The following EPS8L3 variants were observed in gnomAD, a reference collection of about 807,000 sequenced individuals.
EPS8L3 encodes the protein epidermal growth factor receptor kinase substrate 8-like protein 3.
In EPS8L3, 80 loss-of-function variants were observed where a neutral mutation model predicts 88.5. The ratio of observed to expected loss-of-function variants is 0.90; its 90% CI spans 0.75 to 1.09. The LOEUF (loss-of-function observed/expected upper bound fraction) is 1.09, where lower values mean the gene tolerates loss of function less well. EPS8L3 is among the 50% of genes least tolerant of loss of function. The pLI, the probability that EPS8L3 is intolerant of heterozygous loss-of-function variation, is 0.00. For missense variants in EPS8L3, 721 were observed against 735.2 expected, an observed-to-expected ratio of 0.98 and a Z score of 0.22; for synonymous variants, 286 against 291.0, an observed-to-expected ratio of 0.98 and a Z score of 0.18.
chr1:109,757,122 A>G lies in EPS8L3; in HGVS notation c.1013T>C (p.Ile338Thr). 6.2e-7 allele frequency: 1 copy of G among 1,613,920 alleles called. No individual in the cohort carries two copies. The highest frequency in any genetic ancestry group is 8.5e-7 in the Non-Finnish European group (1 of 1,179,896). ...AGCTTTAGGGGTGAGGAGGGGTGAG[A>G]TCACTTGGGCTGCTAGGCCAGCCTC... ...CPEAGLAAQV[I>T]SPLLTPKAIN... is the part of the protein sequence containing the mutation. The change falls in exon 12 of 19, where the codon ATC becomes ACC. Residue 338 changes from isoleucine (I) to threonine (T), a missense_variant. Physicochemically the swap from Ile to Thr is moderately conservative, Grantham distance 89. Coordinates refer to ENST00000361965, the MANE Select transcript of EPS8L3 (RefSeq NM_133181.4).
chr1:109,750,500 T>C, intron 18 of EPS8L3, 98 bp from the exon 19 acceptor site: 2 of 1,585,294 alleles, frequency 1.3e-6, no homozygotes, highest in South Asian at 1.1e-5. Context: ...TAAGCCTGAA[T>C]GCATGAAGCT....
At chr1:109,757,390 C>T in intron 11 of EPS8L3, 91 bp downstream of exon 11, 1 of 1,330,174 alleles carries the variant, frequency 7.5e-7, no homozygotes. Flanking sequence ...GCCCCTGCTC[C>T]CCCATCCCCC....
intron 2 of EPS8L3, 58 bp from the exon 3 acceptor site, chr1:109,761,617 G>T: frequency 6.2e-7 from 1 of 1,605,738 alleles, no homozygotes; most frequent in Non-Finnish European, 8.5e-7. Flanking sequence ...TGAGACTCAG[G>T]CAACTGCTGG....
chr1:109,761,218 C>A (rs539295982), intron 3 of EPS8L3: 3 of 412,456 alleles, frequency 7.3e-6, no homozygotes, highest in South Asian at 4.2e-5. Context: ...CTTATCCCAT[C>A]CTGCTGCTAC....
At chr1:109,763,603 A>G (rs955410810) in intron 1 of EPS8L3, among the ~76,000 whole-genome samples, 2 of 152,124 alleles carry the variant, frequency 1.3e-5, no homozygotes, top group Non-Finnish European at 2.9e-5. Flanking sequence ...CCCTGGGGCA[A>G]GCATCCCAGA....
At chr1:109,756,940 C>T (rs1179357309) in intron 12 of EPS8L3, 77 bp downstream of exon 12, 2 of 1,581,710 alleles carry the variant, frequency 1.3e-6, no homozygotes, top group South Asian at 1.1e-5. Flanking sequence ...AACATAGAGC[C>T]TGGCCACCTC....
Position 109,761,690 on chromosome 1 carries a change from C to T in EPS8L3, c.31+29G>A, listed in dbSNP as rs762147186. On this transcript the variant is annotated intron_variant, in intron 2 of 18. Transcript: ENST00000361965. Reference sequence around the variant, plus strand: ...ACATTCTGGGGGCTCAGTGGGAGGGCACGGGAGAGGGGCCTGCCAGGAGCT... The same window carrying T: ...ACATTCTGGGGGCTCAGTGGGAGGGTACGGGAGAGGGGCCTGCCAGGAGCT... 1.1e-5 allele frequency: 18 copies of T among 1,613,376 alleles called. No homozygotes were observed. In the Admixed American group the frequency reaches 3.0e-4, roughly 27 times the overall value.
rs368569358 is a variant in EPS8L3, at chr1:109,750,235, C to T, written c.*156G>A. On this transcript the variant is annotated 3_prime_UTR_variant, in exon 19 of 19. Coordinates refer to ENST00000361965, the MANE Select transcript of EPS8L3 (RefSeq NM_133181.4). ...CCAGAAGGGACACTGTTTGCTTCAGCCTCTGGGCCTGTCCATTGTTTTTGC... is the reference window on the plus strand; with the variant it reads ...CCAGAAGGGACACTGTTTGCTTCAGTCTCTGGGCCTGTCCATTGTTTTTGC... 2.2e-4 allele frequency: 193 copies of T among 862,044 alleles called. 1 individual carries two copies. In the African/African-American group the frequency reaches 2.7e-3, roughly 12 times the overall value. 53.4% of individuals were successfully genotyped at this position (862,044 alleles called of 1,614,324 possible). A position where few individuals can be genotyped will look rare whatever the true frequency, so the allele number is the denominator to read the frequency against.
At position 109,757,967 on chromosome 1, in the gene EPS8L3, C is replaced by T. The variant is rs1400502690; in HGVS notation, c.809G>A (p.Gly270Glu). The change falls in exon 9 of 19, where the codon GGG (glycine) becomes GAG (glutamate). Residue 270 changes from glycine to glutamate, a missense_variant. Transcript: ENST00000361965. ...ACCTCCCTGGTCCTTGTTTTTTTTCCCAAATTTCTTCTTCCTGCTGGTCTT... is the reference window on the plus strand; with the variant it reads ...ACCTCCCTGGTCCTTGTTTTTTTTCTCAAATTTCTTCTTCCTGCTGGTCTT... The part of the protein sequence containing the change: ...QAKTSRKKKF[G>E]KKNKDQGGLT... 1 of 1,614,130 alleles carries T rather than the reference C, an allele frequency of 6.2e-7. No individual in the cohort carries two copies. The highest frequency in any genetic ancestry group is 8.5e-7 in the Non-Finnish European group (1 of 1,179,994).
intron 12 of EPS8L3, among the ~76,000 whole-genome samples, chr1:109,755,840 A>G (rs538740115): frequency 6.6e-6 from 1 of 152,346 alleles, no homozygotes; most frequent in Non-Finnish European, 1.5e-5. Context: ...AGAAGTGGTT[A>G]TTAGGCAAAT....
chr1:109,762,486 G>T (rs763065534), intron 1 of EPS8L3, among the ~76,000 whole-genome samples: 3 of 152,060 alleles, frequency 2.0e-5, no homozygotes, highest in African/African-American at 7.2e-5. Flanking sequence ...CCCTGCCCAG[G>T]GTACCCTCCT....
chr1:109,751,197 G>GT, intron 17 of EPS8L3, 81 bp downstream of exon 17: 2 of 1,251,106 alleles, frequency 1.6e-6, no homozygotes, highest in Non-Finnish European at 2.3e-6. Flanking sequence ...AGGCCAGGTT[G>GT]TATGTTCTGG....
rs1263316645 is a variant in EPS8L3 at position 109,759,406 on chromosome 1, T to A, written c.256-19A>T. 1 of 1,611,004 alleles carries A rather than the reference T, an allele frequency of 6.2e-7. No homozygotes were observed. Among genetic ancestry groups the A allele is most frequent in the East Asian group, 2.2e-5 (1 of 44,840 alleles). On this transcript the variant is annotated intron_variant, in intron 4 of 18. Coordinates refer to ENST00000361965, the MANE Select transcript of EPS8L3 (RefSeq NM_133181.4). The surrounding 1 kb of genome is among the most constrained non-coding windows in gnomAD (Gnocchi z 4.2). The stretch of plus-strand genomic sequence containing the variant: ...GCTCCTCCTGGGCCAGGTGGAGAGG[T>A]CAACTGTGAGGCCACCAGAGCTAGG...
Position 109,759,713 on chromosome 1 carries a change from C to G in EPS8L3, c.220G>C (p.Asp74His), listed in dbSNP as rs1309978983. The change falls in exon 4 of 19, where the codon GAC (aspartate) becomes CAC (histidine). Residue 74 changes from aspartate to histidine, a missense_variant. Coordinates refer to ENST00000361965, the MANE Select transcript of EPS8L3 (RefSeq NM_133181.4). The surrounding 1 kb of genome is among the most constrained non-coding windows in gnomAD (Gnocchi z 4.2). ...ATGTCCAGCAGCTGCAGCCAGCCGT[C>G]CCTGACCTGCAGGATCAAGTCTTGG... ...WSQDLILQVR[D>H]GWLQLLDIET... 6.2e-7 allele frequency: 1 copy of G among 1,614,028 alleles called. No homozygotes were observed. The highest frequency in any genetic ancestry group is 2.2e-5 in the East Asian group (1 of 44,872).
intron 12 of EPS8L3, among the ~76,000 whole-genome samples, chr1:109,754,645 A>G (rs1650117958): frequency 6.6e-6 from 1 of 152,230 alleles, no homozygotes; most frequent in Non-Finnish European, 1.5e-5. Flanking sequence ...CAAATTGTAG[A>G]AGTAAGGCTG....
chr1:109,754,097 G>A (rs557653458), intron 12 of EPS8L3, among the ~76,000 whole-genome samples: 2 of 151,998 alleles, frequency 1.3e-5, no homozygotes, highest in Admixed American at 1.3e-4. Flanking sequence ...AACATGCTTG[G>A]GTCTTGACCC....
intron 12 of EPS8L3, among the ~76,000 whole-genome samples, chr1:109,755,905 CT>C (rs1286198067): frequency 6.6e-6 from 1 of 152,256 alleles, no homozygotes; most frequent in Non-Finnish European, 1.5e-5. Flanking sequence ...CTAAAGCCTT[CT>C]CTCTTGGTTT....
Position 109,750,788 on chromosome 1 carries a change from C to T in EPS8L3, c.1642G>A (p.Val548Met), listed in dbSNP as rs750500087. 19 of 1,614,054 alleles carry T rather than the reference C, an allele frequency of 1.2e-5. No homozygotes were observed. Among genetic ancestry groups the T allele is most frequent in the Admixed American group, 3.3e-5 (2 of 60,006 alleles). Residue 548 changes from valine to methionine, a missense_variant, in exon 18 of 19, where the codon GTG (valine) becomes ATG (methionine). Val to Met is a conservative substitution (Grantham distance 21). Transcript: ENST00000361965. The stretch of plus-strand genomic sequence containing the variant: ...CCCGTCAGGGACCCAAGTGTCCTCA[C>T]CGTGCTGTGAACAAAACAGCAAAAG... ...LQAENFSTAT[V>M]RTLGSLTGSQ...
At chr1:109,751,568 T>C in intron 16 of EPS8L3, 86 bp downstream of exon 16, 1 of 1,587,946 alleles carries the variant, frequency 6.3e-7, no homozygotes, top group South Asian at 1.1e-5. Context: ...AAACCAAGAC[T>C]ATCTCCTCTG....
Sources: gnomAD v4.1 joint callset for allele counts (sites outside exome capture counted in the v4.1 genomes callset) on GRCh38, gnomAD v4.1.1 for gene constraint, Gnocchi (gnomAD v3.1) non-coding constraint, MANE v1.5 for transcripts, NCBI Gene and HGNC (gene_info 2026-07-23, HGNC 2026-07-21) for gene names.